GSE1: variants seen among roughly 807,000 people sequenced by gnomAD.
The protein encoded by GSE1 is genetic suppressor element 1.
Under a neutral mutation model 112.6 loss-of-function variants are expected in GSE1, and 32 were observed. That is an observed-to-expected ratio of 0.28 (90% CI 0.21 to 0.38). The LOEUF is 0.38. Among genes scored for constraint, GSE1 ranks in the 10% least tolerant of loss-of-function variants. GSE1 has a pLI of 1.00. For synonymous variants in GSE1, 1,115 were observed against 735.6 expected, an observed-to-expected ratio of 1.52 and a Z score of -8.35; for missense variants, 2,348 against 1,699.2, an observed-to-expected ratio of 1.38 and a Z score of -6.71.
At chr16:85,552,623 C>T (rs573167392), upstream of GSE1, among the ~76,000 whole-genome samples, 16 of 152,366 alleles carry the variant, frequency 1.1e-4, no homozygotes, top group African/African-American at 2.9e-4. Flanking sequence ...TGAGCCACCG[C>T]GCTCAGTCTC....
At chr16:85,592,054 C>T (rs1329566345) in intron 1 of GSE1, among the ~76,000 whole-genome samples, 2 of 152,188 alleles carry the variant, frequency 1.3e-5, no homozygotes, top group Non-Finnish European at 2.9e-5. Context: ...GCACCCCCCG[C>T]CCCCCGCTCC....
rs181727729 is a variant in GSE1, at chr16:85,616,141, G to A, written c.7+2743G>A. Among the ~76,000 whole-genome samples, 8 of 152,346 alleles carry A rather than the reference G, an allele frequency of 5.3e-5. No homozygotes were observed. The East Asian group carries it at 1.3e-3, about 26-fold the overall frequency. On this transcript the variant is annotated intron_variant, in intron 1 of 15. Coordinates refer to ENST00000253458, the MANE Select transcript of GSE1 (RefSeq NM_014615.5). The stretch of plus-strand genomic sequence containing the variant: ...GCACAGCGCCACTCTGTGGCAGACC[G>A]GGGTCCTGCACCTCTGAGCTAGAGA...
chr16:85,456,639 T>TGTGTGTGTGTGTGG (rs1491261060), intron 2 of GSE1, among the ~76,000 whole-genome samples: 1 of 143,254 alleles, frequency 7.0e-6, no homozygotes, highest in Admixed American at 7.2e-5. Flanking sequence ...TGTGTGTGTG[T>TGTGTGTGTGTGTGG]GGTCTGCCAT....
chr16:85,398,226 T>C (rs1451231062), intron 2 of GSE1, among the ~76,000 whole-genome samples: 2 of 152,106 alleles, frequency 1.3e-5, no homozygotes, highest in African/African-American at 2.4e-5. Flanking sequence ...TGAGATGAAG[T>C]GAGCAGGTGA....
chr16:85,307,963 T>C (rs577209838), intron 1 of GSE1, among the ~76,000 whole-genome samples: 1 of 152,292 alleles, frequency 6.6e-6, no homozygotes, highest in Admixed American at 6.5e-5. Context: ...GATTCAGCTG[T>C]GAAGCTGATA....
At chr16:85,421,082 G>T (rs1410517854) in intron 2 of GSE1, among the ~76,000 whole-genome samples, 1 of 152,222 alleles carries the variant, frequency 6.6e-6, no homozygotes, top group Admixed American at 6.5e-5. Flanking sequence ...AGGATTAAAT[G>T]AATTGATATG....
At chr16:85,193,187 A>G (rs2074859890) in intron 1 of GSE1, among the ~76,000 whole-genome samples, 3 of 152,102 alleles carry the variant, frequency 2.0e-5, no homozygotes, top group Non-Finnish European at 4.4e-5. Flanking sequence ...CCGAGTCCAC[A>G]TTCCCTCTAT....
At chr16:85,226,914 G>A (rs376561980) in intron 1 of GSE1, among the ~76,000 whole-genome samples, 5 of 152,052 alleles carry the variant, frequency 3.3e-5, no homozygotes, top group South Asian at 2.1e-4. Flanking sequence ...CATCTGGCCC[G>A]AAAACTGAGG....
intron 2 of GSE1, among the ~76,000 whole-genome samples, chr16:85,515,009 G>T (rs1004256291): frequency 6.6e-6 from 1 of 152,194 alleles, no homozygotes; most frequent in Admixed American, 6.5e-5. Flanking sequence ...GTACCCATGG[G>T]CACATGTGAA....
At chr16:85,433,319 C>T (rs1327230122) in intron 2 of GSE1, among the ~76,000 whole-genome samples, 2 of 152,138 alleles carry the variant, frequency 1.3e-5, no homozygotes, top group Non-Finnish European at 2.9e-5. Flanking sequence ...GGTTAAGTCA[C>T]CTGGGTCCAG....
chr16:85,399,581 G>GCTGC lies in GSE1; in HGVS notation c.2464+41947_2464+41950dup, dbSNP rs548974147. On this transcript the variant is annotated intron_variant, in intron 2 of 2. Transcript: ENST00000637419. Reference sequence around the variant, plus strand: ...CTGGGTAAACCGACCAGTTTCCTAAGCTGCCTGCCTGCTTTCTTTGCCTGT... The same window carrying GCTGC: ...CTGGGTAAACCGACCAGTTTCCTAAGCTGCCTGCCTGCCTGCTTTCTTTGCCTGT... Among the ~76,000 whole-genome samples, 754 of 152,290 alleles carry GCTGC rather than the reference G, an allele frequency of 5.0e-3. 2 individuals carry two copies. The highest frequency in any genetic ancestry group is 0.022 in the South Asian group (106 of 4,822).
At chr16:85,583,786 C>T (rs535010438) in intron 1 of GSE1, among the ~76,000 whole-genome samples, 51 of 152,146 alleles carry the variant, frequency 3.4e-4, no homozygotes, top group Non-Finnish European at 6.0e-4. Flanking sequence ...TGTCGTGCCA[C>T]GAGAAATGAG....
At chr16:85,628,954 G>T (rs2049302776) in intron 1 of GSE1, among the ~76,000 whole-genome samples, 1 of 152,184 alleles carries the variant, frequency 6.6e-6, no homozygotes. Flanking sequence ...GGGCCCAGTG[G>T]CAGTGATTGG....
chr16:85,235,728 G>A (rs141939537), intron 1 of GSE1, among the ~76,000 whole-genome samples: 2,854 of 151,834 alleles, frequency 0.019, 279 homozygotes, highest in Admixed American at 0.16. Flanking sequence ...CCTCTGCGGC[G>A]GGACTAGGAG....
upstream of GSE1, chr16:85,613,251 G>T (rs867267982): frequency 2.0e-6 from 3 of 1,521,880 alleles, no homozygotes; most frequent in East Asian, 5.2e-5. Flanking sequence ...TTTCTTGGCC[G>T]GGGCCCCGGA....
intron 2 of GSE1, among the ~76,000 whole-genome samples, chr16:85,361,916 GC>G (rs897390039): frequency 6.6e-6 from 1 of 152,082 alleles, no homozygotes; most frequent in African/African-American, 2.4e-5. Flanking sequence ...GTCGGATAGG[GC>G]CACTGCCGTG....
chr16:85,262,644 C>A (rs1037592068), intron 1 of GSE1, among the ~76,000 whole-genome samples: 3 of 152,244 alleles, frequency 2.0e-5, no homozygotes, highest in Non-Finnish European at 4.4e-5. Flanking sequence ...AATTTGCCAA[C>A]AGATCACAGG....
intron 1 of GSE1, among the ~76,000 whole-genome samples, chr16:85,328,796 TCCC>T (rs2046278790): frequency 1.2e-3 from 3 of 2,558 alleles, no homozygotes; most frequent in African/African-American, 6.3e-3. Flanking sequence ...CGGCTGGGCG[TCCC>T]CGCCCCGGGG....
intron 1 of GSE1, among the ~76,000 whole-genome samples, chr16:85,614,267 C>T (rs1474027136): frequency 2.0e-5 from 3 of 152,212 alleles, no homozygotes; most frequent in Admixed American, 2.0e-4. Context: ...CGGCGAGTGG[C>T]CCGACCGAGT....
Sources: allele counts gnomAD v4.1 joint callset (sites outside exome capture counted in the v4.1 genomes callset), GRCh38; gene constraint gnomAD v4.1.1; transcripts MANE v1.5; gene names NCBI Gene and HGNC (gene_info 2026-07-23, HGNC 2026-07-21).